The following ROBO1 variants were observed in gnomAD, a reference collection of about 807,000 sequenced individuals.
ROBO1 encodes roundabout homolog 1.
A neutral mutation model predicts 195.9 loss-of-function variants in ROBO1; 149 were observed. The ratio of observed to expected loss-of-function variants is 0.76; its 90% CI spans 0.67 to 0.87. ROBO1 has a LOEUF of 0.87. ROBO1 is among the 40% of genes least tolerant of loss of function. ROBO1 has a pLI of 0.00. For missense variants in ROBO1, 1,933 were observed against 2,068.3 expected (o/e 0.93, Z 1.27); for synonymous variants, 816 against 733.2 (o/e 1.11, Z -1.82).
chr3:79,396,606 A>T (rs1040945382), intron 2 of ROBO1, among the ~76,000 whole-genome samples: 6 of 152,140 alleles, frequency 3.9e-5, no homozygotes, highest in Non-Finnish European at 7.4e-5. Context: ...TTATGTAACG[A>T]CAGTTATCTT....
chr3:79,424,537 G>A (rs2038365407), intron 2 of ROBO1, among the ~76,000 whole-genome samples: 1 of 152,010 alleles, frequency 6.6e-6, no homozygotes, highest in Non-Finnish European at 1.5e-5. Context: ...CAATATGCCA[G>A]GCACTGTTCT....
intron 2 of ROBO1, among the ~76,000 whole-genome samples, chr3:79,410,142 A>C (rs2037707774): frequency 6.6e-6 from 1 of 152,192 alleles, no homozygotes; most frequent in South Asian, 2.1e-4. Context: ...TGTTTCTGAC[A>C]AAGTCATTTA....
rs114157742 is a variant in ROBO1, at chr3:78,978,194, A to T, written c.173-39267T>A. On this transcript the variant is annotated intron_variant, in intron 3 of 30. Coordinates refer to ENST00000464233, the MANE Select transcript of ROBO1 (RefSeq NM_002941.4). ...TAAATGACCTATTGGTTCACAGATT[A>T]AAAAAACCAGTAAACATATATGCTT... 7.3e-3 allele frequency among the ~76,000 whole-genome samples: 1,118 copies of T among 152,196 alleles called. 18 individuals carry two copies. The highest frequency in any genetic ancestry group is 0.026 in the African/African-American group (1,077 of 41,526).
intron 2 of ROBO1, among the ~76,000 whole-genome samples, chr3:79,168,747 G>C (rs553523237): frequency 2.6e-5 from 4 of 152,214 alleles, no homozygotes; most frequent in Admixed American, 2.6e-4. Flanking sequence ...TGTTTTAGGA[G>C]CTTAAAATAC....
At chr3:79,430,540 A>G (rs1284101659) in intron 2 of ROBO1, among the ~76,000 whole-genome samples, 1 of 152,146 alleles carries the variant, frequency 6.6e-6, no homozygotes, top group Non-Finnish European at 1.5e-5. Context: ...CAAATAGCTG[A>G]AGTGCTAATT....
At chr3:78,774,474 C>G (rs2083455585) in intron 4 of ROBO1, among the ~76,000 whole-genome samples, 1 of 152,046 alleles carries the variant, frequency 6.6e-6, no homozygotes, top group African/African-American at 2.4e-5. Flanking sequence ...CCACGCCCAG[C>G]TAATTTTTTG....
chr3:79,688,472 T>C (rs1156445965), intron 1 of ROBO1, among the ~76,000 whole-genome samples: 1 of 152,148 alleles, frequency 6.6e-6, no homozygotes, highest in African/African-American at 2.4e-5. Flanking sequence ...GTTCTGAAAA[T>C]TATTACTTTG....
At chr3:79,407,163 G>A (rs1006526809) in intron 2 of ROBO1, among the ~76,000 whole-genome samples, 23 of 151,962 alleles carry the variant, frequency 1.5e-4, no homozygotes, top group African/African-American at 5.6e-4. Context: ...CCTGACCTCA[G>A]GTAATCCACC....
At chr3:78,857,844 A>T (rs925059475) in intron 4 of ROBO1, among the ~76,000 whole-genome samples, 1 of 152,210 alleles carries the variant, frequency 6.6e-6, no homozygotes, top group African/African-American at 2.4e-5. Flanking sequence ...GCCTTTGGTT[A>T]AGGGCGACCC....
chr3:79,056,344 G>A (rs1021493417), intron 3 of ROBO1, among the ~76,000 whole-genome samples: 4 of 151,940 alleles, frequency 2.6e-5, no homozygotes, highest in South Asian at 2.1e-4. Flanking sequence ...TTATATTGAT[G>A]ACATTTTAAT....
At chr3:79,619,448 T>C (rs1944933253) in intron 1 of ROBO1, among the ~76,000 whole-genome samples, 1 of 152,112 alleles carries the variant, frequency 6.6e-6, no homozygotes, top group Non-Finnish European at 1.5e-5. Context: ...TTGGCCCCCA[T>C]ACATACTCGA....
At position 78,966,078 on chromosome 3, in the gene ROBO1, G is replaced by A. The variant is rs771402956; in HGVS notation, c.173-27151C>T. Among the ~76,000 whole-genome samples, 8 of 152,204 alleles carry A rather than the reference G, an allele frequency of 5.3e-5. 1 individual carries two copies. In the South Asian group the frequency reaches 6.2e-4, roughly 12 times the overall value. ...ATCAGTGGTGGCATTAGATGCTCACGGCACAAACCCTACTGTGAACTGAGC... is the reference window on the plus strand; with the variant it reads ...ATCAGTGGTGGCATTAGATGCTCACAGCACAAACCCTACTGTGAACTGAGC... On this transcript the variant is annotated intron_variant, in intron 3 of 30. Coordinates refer to ENST00000464233, the MANE Select transcript of ROBO1 (RefSeq NM_002941.4).
Position 78,631,284 on chromosome 3 carries a change from C to G in ROBO1, c.3503G>C (p.Gly1168Ala). Residue 1168 changes from glycine to alanine, a missense_variant, in exon 25 of 31, where the codon GGG (glycine) becomes GCG (alanine). Gly to Ala is a moderately conservative substitution (Grantham distance 60, BLOSUM62 0). This residue lies in a region of ROBO1 where 1,737 missense variants were observed against 1,882.5 expected (regional missense o/e 0.92). Transcript: ENST00000464233. Reference sequence around the variant, plus strand: ...TTTTGGTACCTTGGGTGTTCTTGCCCCTTTCTTGTGCCCCTGACTCCCTAG... The same window carrying G: ...TTTTGGTACCTTGGGTGTTCTTGCCGCTTTCTTGTGCCCCTGACTCCCTAG... Reference protein sequence around the residue: ...STSGSQGHKKGARTPKVPKQG... With the variant: ...STSGSQGHKKAARTPKVPKQG... 6.2e-7 allele frequency: 1 copy of G among 1,613,244 alleles called. No homozygotes were observed. The highest frequency in any genetic ancestry group is 8.5e-7 in the Non-Finnish European group (1 of 1,179,550).
intron 2 of ROBO1, among the ~76,000 whole-genome samples, chr3:79,423,993 G>A (rs1481767322): frequency 1.3e-5 from 2 of 151,772 alleles, no homozygotes; most frequent in African/African-American, 4.8e-5. Flanking sequence ...CTAAATGCAT[G>A]GATTTAGAAG....
chr3:78,941,155 A>G (rs2040115089), intron 3 of ROBO1, among the ~76,000 whole-genome samples: 1 of 152,228 alleles, frequency 6.6e-6, no homozygotes, highest in Non-Finnish European at 1.5e-5. Flanking sequence ...AACAAAAATT[A>G]TAATTTGAAA....
chr3:79,048,337 T>C (rs2078633240), intron 3 of ROBO1, among the ~76,000 whole-genome samples: 1 of 152,124 alleles, frequency 6.6e-6, no homozygotes, highest in Non-Finnish European at 1.5e-5. Context: ...AGGCTAGTTT[T>C]GTTCATTCTC....
intron 1 of ROBO1, among the ~76,000 whole-genome samples, chr3:79,754,086 A>C (rs1490405475): frequency 6.6e-6 from 1 of 152,184 alleles, no homozygotes; most frequent in Non-Finnish European, 1.5e-5. Context: ...ACTTTGACCA[A>C]TGTTCTTTCT....
At chr3:79,038,024 C>T (rs2078412303) in intron 3 of ROBO1, among the ~76,000 whole-genome samples, 1 of 152,082 alleles carries the variant, frequency 6.6e-6, no homozygotes, top group Non-Finnish European at 1.5e-5. Context: ...TTAAACTCAT[C>T]TGAAGCAAGA....
intron 4 of ROBO1, among the ~76,000 whole-genome samples, chr3:78,757,842 C>T (rs1159796378): frequency 2.6e-5 from 4 of 152,210 alleles, no homozygotes; most frequent in African/African-American, 9.7e-5. Flanking sequence ...TGGTGACAGT[C>T]TGCCCTAAAT....
Sources: gnomAD v4.1 joint callset for allele counts (sites outside exome capture counted in the v4.1 genomes callset) on GRCh38, gnomAD v4.1.1 for gene constraint, gnomAD v4.1.1 regional missense constraint, MANE v1.5 for transcripts, NCBI Gene and HGNC (gene_info 2026-07-23, HGNC 2026-07-21) for gene names.